The following TBCCD1 variants were observed in gnomAD, a reference collection of about 807,000 sequenced individuals.
TBCCD1 encodes the protein TBCC domain containing 1, also known as TBCC domain-containing protein 1.
In TBCCD1, 26 loss-of-function variants were observed where a neutral mutation model predicts 53.4. The ratio of observed to expected loss-of-function variants is 0.49; its 90% CI spans 0.36 to 0.68. The LOEUF (loss-of-function observed/expected upper bound fraction) is 0.68, where lower values mean the gene tolerates loss of function less well. Among genes scored for constraint, TBCCD1 ranks in the 30% least tolerant of loss-of-function variants. TBCCD1 has a pLI of 0.00. For synonymous variants in TBCCD1, 245 were observed against 241.7 expected (o/e 1.01, Z -0.13); for missense variants, 558 against 669.5 (o/e 0.83, Z 1.84).
rs749632283 is a variant in TBCCD1, at chr3:186,554,487, T to C, written c.1311A>G (p.Thr437=). ...TTGGATTATCCCAATAGTTAGGCAC[T>C]GTAGCAAGGCCAGTCCTGGCCATAT... ...EDHMARTGLA[T]VPNYWDNPMV... The change falls in exon 6 of 8, where the codon ACA becomes ACG. Residue 437 remains threonine (T), a synonymous_variant. Coordinates refer to ENST00000338733, the MANE Select transcript of TBCCD1 (RefSeq NM_018138.5). 6.2e-7 allele frequency: 1 copy of C among 1,614,258 alleles called. No homozygotes were observed. Among genetic ancestry groups the C allele is most frequent in the Non-Finnish European group, 8.5e-7 (1 of 1,180,040 alleles).
In TBCCD1 at chr3:186,551,391, CTTG is replaced by C. The variant is rs1462010603; in HGVS notation, c.1545-115_1545-113del. Reference sequence around the variant, plus strand: ...GATAATGTTAAATGATTAATTATTTCTTGTTATCCTTTTGTTCTCACTGTTCAG... The same window carrying C: ...GATAATGTTAAATGATTAATTATTTCTTATCCTTTTGTTCTCACTGTTCAG... On this transcript the variant is annotated intron_variant, in intron 6 of 7. Coordinates refer to ENST00000338733, the MANE Select transcript of TBCCD1 (RefSeq NM_018138.5). The C allele has an allele frequency of 3.6e-6, 4 of 1,113,440 alleles. No homozygotes were observed. In the East Asian group the frequency reaches 7.9e-5, roughly 22 times the overall value. The allele number at this position is 1,113,440 out of a possible 1,614,324, so 69.0% of individuals were successfully genotyped here. A position where few individuals can be genotyped will look rare whatever the true frequency, so the allele number is the denominator to read the frequency against.
intron 1 of TBCCD1, among the ~76,000 whole-genome samples, chr3:186,564,764 A>T (rs1714780401): frequency 6.6e-6 from 1 of 152,248 alleles, no homozygotes; most frequent in African/African-American, 2.4e-5. Flanking sequence ...GAGTTAAATC[A>T]CTTACACAGA....
chr3:186,555,143 A>C, intron 4 of TBCCD1, 59 bp from the exon 5 acceptor site: 1 of 1,495,026 alleles, frequency 6.7e-7, no homozygotes, highest in Non-Finnish European at 9.0e-7. Flanking sequence ...AAACAAACAA[A>C]CATATGAGGT....
At chr3:186,556,927 T>C in intron 3 of TBCCD1, 152 bp from the exon 4 acceptor site, 3 of 959,706 alleles carry the variant, frequency 3.1e-6, no homozygotes, top group Non-Finnish European at 4.4e-6. Context: ...TCCGCCCGGC[T>C]TGGCCTCAGA....
upstream of TBCCD1, among the ~76,000 whole-genome samples, chr3:186,569,825 T>C (rs1714959407): frequency 6.6e-6 from 1 of 152,110 alleles, no homozygotes; most frequent in Non-Finnish European, 1.5e-5. Flanking sequence ...AAGAGTTGGA[T>C]AGCTTATGCA....
chr3:186,556,515 G>A lies in TBCCD1; in HGVS notation c.753C>T (p.Phe251=), dbSNP rs143443442. 1.6e-4 allele frequency: 265 copies of A among 1,610,468 alleles called. No homozygotes were observed. Among genetic ancestry groups the A allele is most frequent in the Non-Finnish European group, 4.1e-5 (48 of 1,179,248 alleles). ...ACCAGGTTTCCAGTTTGTAGAAAGA[G>A]AAAGTCTTAGAGATCTTTGAGAAGC... ...DSGFSKISKT[F]SFYKLETWLR... is the part of the protein sequence containing the mutation. The change falls in exon 4 of 8, where the codon TTC becomes TTT. Residue 251 remains phenylalanine (F), a synonymous_variant. Transcript: ENST00000338733.
chr3:186,561,746 G>A (rs1345593656), intron 2 of TBCCD1, among the ~76,000 whole-genome samples: 1 of 151,902 alleles, frequency 6.6e-6, no homozygotes, highest in Non-Finnish European at 1.5e-5. Flanking sequence ...CTGAGATCGC[G>A]CCACCGCGCT....
intron 6 of TBCCD1, chr3:186,553,502 A>C (rs543448673): frequency 1.9e-4 from 29 of 151,776 alleles, no homozygotes; most frequent in African/African-American, 6.8e-4. Context: ...CAGAACAGAG[A>C]AAAAAAAAGA....
At chr3:186,563,482 T>G (rs926757717) in intron 2 of TBCCD1, among the ~76,000 whole-genome samples, 10 of 152,252 alleles carry the variant, frequency 6.6e-5, no homozygotes, top group Non-Finnish European at 1.5e-4. Context: ...TAGCAGATGT[T>G]CATTTTAAAA....
intron 3 of TBCCD1, among the ~76,000 whole-genome samples, chr3:186,558,052 A>T (rs1330631630): frequency 6.6e-6 from 1 of 152,170 alleles, no homozygotes; most frequent in African/African-American, 2.4e-5. Flanking sequence ...TATTTTTATA[A>T]TTTTTTTCAG....
rs1560224939 is a variant in TBCCD1 at position 186,554,592 on chromosome 3, A to T, written c.1206T>A (p.Pro402=). Residue 402 remains proline (P), a synonymous_variant, in exon 6 of 8, where the codon CCT becomes CCA. Coordinates refer to ENST00000338733, the MANE Select transcript of TBCCD1 (RefSeq NM_018138.5). ...TCCCAGAGAGAATAAGTGGGCGTGT[A>T]GGCGTAAGAACGTGAAAGATGCAAC... ...TTGCIFHVLT[P]TRPLILSGNQ... The T allele has an allele frequency of 6.2e-7, 1 of 1,614,208 alleles. No individual in the cohort carries two copies. The highest frequency in any genetic ancestry group is 2.2e-5 in the East Asian group (1 of 44,876).
Position 186,554,480 on chromosome 3 carries a change from T to C in TBCCD1, c.1318A>G (p.Asn440Asp), listed in dbSNP as rs769999374. 16 of 1,614,116 alleles carry C rather than the reference T, an allele frequency of 9.9e-6. No homozygotes were observed. The Admixed American group carries it at 1.2e-4, about 12-fold the overall frequency. The change falls in exon 6 of 8, where the codon AAC becomes GAC. Residue 440 changes from asparagine to aspartate, a missense_variant. Coordinates refer to ENST00000338733, the MANE Select transcript of TBCCD1 (RefSeq NM_018138.5). ...MARTGLATVP[N>D]YWDNPMVVCR... ...ACAACCATTGGATTATCCCAATAGT[T>C]AGGCACTGTAGCAAGGCCAGTCCTG...
At chr3:186,565,109 C>CTTTTTT (rs370017010) in intron 1 of TBCCD1, among the ~76,000 whole-genome samples, 59 of 124,730 alleles carry the variant, frequency 4.7e-4, no homozygotes, top group Non-Finnish European at 6.1e-4. Flanking sequence ...TCTTCTTCTT[C>CTTTTTT]TTTTTTTTTT....
intron 2 of TBCCD1, among the ~76,000 whole-genome samples, chr3:186,561,991 A>G (rs189362640): frequency 2.0e-5 from 3 of 152,320 alleles, no homozygotes; most frequent in Admixed American, 2.0e-4. Flanking sequence ...CAGATGGATG[A>G]CTAGATAAAG....
intron 7 of TBCCD1, 116 bp downstream of exon 7, chr3:186,551,013 C>T (rs1714356848): frequency 9.6e-7 from 1 of 1,042,116 alleles, no homozygotes; most frequent in Non-Finnish European, 1.3e-6. Flanking sequence ...TCCGTGTATG[C>T]TGGTAGGAGC....
At chr3:186,564,406 A>C in intron 1 of TBCCD1, 34 bp from the exon 2 acceptor site, 1 of 1,408,042 alleles carries the variant, frequency 7.1e-7, no homozygotes, top group Non-Finnish European at 9.6e-7. Context: ...AACTGATTTG[A>C]AACAAGTCTC....
intron 5 of TBCCD1, 37 bp downstream of exon 5, chr3:186,554,861 T>G (rs764216804): frequency 1.9e-6 from 3 of 1,606,154 alleles, no homozygotes; most frequent in African/African-American, 2.7e-5. Flanking sequence ...CCAAAGAAAA[T>G]GTCAGAACAT....
chr3:186,553,957 C>A (rs568602792), intron 6 of TBCCD1, among the ~76,000 whole-genome samples: 1 of 152,234 alleles, frequency 6.6e-6, no homozygotes, highest in East Asian at 1.9e-4. Flanking sequence ...AAGCAATTCT[C>A]CTGCCTCAGC....
chr3:186,567,681 T>C (rs1175918613), upstream of TBCCD1: 1 of 152,286 alleles, frequency 6.6e-6, no homozygotes, highest in Admixed American at 6.5e-5. Flanking sequence ...GTCTCAGCAC[T>C]GTGTAAAGCA....
Sources: allele counts gnomAD v4.1 joint callset (sites outside exome capture counted in the v4.1 genomes callset), GRCh38; gene constraint gnomAD v4.1.1; transcripts MANE v1.5; gene names NCBI Gene and HGNC (gene_info 2026-07-23, HGNC 2026-07-21).